The following MAN1C1 variants were observed in gnomAD, a reference collection of about 807,000 sequenced individuals.
The protein encoded by MAN1C1 is mannosyl-oligosaccharide 1,2-alpha-mannosidase IC.
MAN1C1 carries 49 observed loss-of-function variants against 71.5 expected under a neutral mutation model. That is an observed-to-expected ratio of 0.69 (90% confidence interval 0.54 to 0.87). The LOEUF (loss-of-function observed/expected upper bound fraction) is 0.87. Among genes scored for constraint, MAN1C1 ranks in the 40% least tolerant of loss-of-function variants. The pLI is 0.00. For synonymous variants in MAN1C1, 352 were observed against 343.7 expected (o/e 1.02, Z -0.27); for missense variants, 743 against 835.0 (o/e 0.89, Z 1.36).
intron 1 of MAN1C1, among the ~76,000 whole-genome samples, chr1:25,635,813 A>G: frequency 6.6e-6 from 1 of 152,028 alleles, no homozygotes; most frequent in East Asian, 1.9e-4. Flanking sequence ...TGTTATGGCA[A>G]TTGCTTTTTC....
Position 25,745,335 on chromosome 1 carries a change from CT to C in MAN1C1, c.638-1321del, listed in dbSNP as rs10555591. ...GGTTTCTTTGCCCAAATTTTCTTTC[CT>C]TTTTTTTTTTTAATGGAAATAAGTT... On this transcript the variant is annotated intron_variant, in intron 2 of 11. Transcript: ENST00000374332. 3.5e-3 allele frequency among the ~76,000 whole-genome samples: 526 copies of C among 149,208 alleles called. 3 individuals are homozygous for C. Among genetic ancestry groups the C allele is most frequent in the Admixed American group, 0.011 (163 of 14,976 alleles).
chr1:25,739,471 G>A (rs2047029748), intron 2 of MAN1C1, among the ~76,000 whole-genome samples: 1 of 152,192 alleles, frequency 6.6e-6, no homozygotes, highest in African/African-American at 2.4e-5. Flanking sequence ...TGCCTTGGGT[G>A]ATTTTTTTTC....
In MAN1C1 at chr1:25,630,439, A is replaced by G. The variant is rs878880962; in HGVS notation, c.540+12102A>G. On this transcript the variant is annotated intron_variant, in intron 1 of 11. Transcript: ENST00000374332. ...ATTATTTTTTCTAATTCTGTGAACA[A>G]TGATGTTGTTATTTTGTTTGGGATT... Among the ~76,000 whole-genome samples the G allele has an allele frequency of 4.6e-5, 7 of 152,144 alleles. No individual in the cohort carries two copies. In the South Asian group the frequency reaches 1.0e-3, roughly 22 times the overall value.
At chr1:25,720,990 AT>A (rs1299644393) in intron 2 of MAN1C1, among the ~76,000 whole-genome samples, 1 of 152,166 alleles carries the variant, frequency 6.6e-6, no homozygotes, top group African/African-American at 2.4e-5. Context: ...AGTATCAGGT[AT>A]TATTTCTGGA....
chr1:25,618,286 GAGTC>G lies in MAN1C1; in HGVS notation c.492_495del (p.Ser164ArgfsTer17), dbSNP rs1411211917. 1 of 1,604,230 alleles carries G rather than the reference GAGTC, an allele frequency of 6.2e-7. No individual in the cohort carries two copies. Among genetic ancestry groups the G allele is most frequent in the Non-Finnish European group, 8.5e-7 (1 of 1,177,086 alleles). On this transcript the variant is annotated frameshift_variant, in exon 1 of 12. Coordinates refer to ENST00000374332, the MANE Select transcript of MAN1C1 (RefSeq NM_020379.4). LOFTEE classifies it high-confidence loss of function. ...CGGTCCTGGGAACGAGGGCCGATGA[GAGTC>G]AGGAGCCCCAGAGCCAAGTGCGAGC...
rs778692134 is a variant in MAN1C1 at position 25,617,827 on chromosome 1, C to T, written c.30C>T (p.Val10=). 3.9e-5 allele frequency: 62 copies of T among 1,604,532 alleles called. No individual in the cohort carries two copies. The highest frequency in any genetic ancestry group is 4.9e-5 in the Non-Finnish European group (58 of 1,176,660). Residue 10 remains valine (V), a synonymous_variant, in exon 1 of 12, where the codon GTC becomes GTT. Coordinates refer to ENST00000374332, the MANE Select transcript of MAN1C1 (RefSeq NM_020379.4). This position sits in a 1 kb window ranked among gnomAD's most constrained non-coding sequence, Gnocchi z 5.1. ...TCATGAGGAAAGTGCCCGGCTTCGT[C>T]CCGGCCTCCCCGTGGGGGCTGCGGC... is the stretch of plus-strand genomic sequence containing the variant. MLMRKVPGF[V]PASPWGLRLP...
chr1:25,765,283 C>T (rs78027287), intron 7 of MAN1C1, among the ~76,000 whole-genome samples: 2 of 152,176 alleles, frequency 1.3e-5, no homozygotes, highest in Non-Finnish European at 2.9e-5. Context: ...AATGTGCATG[C>T]CTGTTGAGAA....
At chr1:25,743,863 C>T (rs926106049) in intron 2 of MAN1C1, among the ~76,000 whole-genome samples, 4 of 152,202 alleles carry the variant, frequency 2.6e-5, no homozygotes, top group Admixed American at 2.0e-4. Flanking sequence ...TCTCTTGATC[C>T]GTAACTGATC....
intron 1 of MAN1C1, among the ~76,000 whole-genome samples, chr1:25,685,686 C>G (rs893867790): frequency 1.3e-5 from 2 of 152,236 alleles, no homozygotes; most frequent in African/African-American, 4.8e-5. Flanking sequence ...TGTGCATACT[C>G]TGGGTGACAG....
chr1:25,664,439 C>T (rs183900170), intron 1 of MAN1C1, among the ~76,000 whole-genome samples: 7 of 152,300 alleles, frequency 4.6e-5, no homozygotes, highest in South Asian at 4.1e-4. Context: ...GGAGAGTGCT[C>T]ACTTTCCATG....
At chr1:25,699,317 A>AG (rs1237695140) in intron 2 of MAN1C1, among the ~76,000 whole-genome samples, 30 of 151,462 alleles carry the variant, frequency 2.0e-4, no homozygotes, top group African/African-American at 7.1e-4. Flanking sequence ...AAAAAAAAAA[A>AG]AAAAGAAGAA....
intron 2 of MAN1C1, among the ~76,000 whole-genome samples, chr1:25,732,162 G>T (rs2046918101): frequency 6.6e-6 from 1 of 152,134 alleles, no homozygotes; most frequent in Non-Finnish European, 1.5e-5. Flanking sequence ...CTCTCTGCAA[G>T]GTAGTGCCTG....
chr1:25,753,414 C>T lies in MAN1C1; in HGVS notation c.835-70C>T, dbSNP rs926735475. On this transcript the variant is annotated intron_variant, in intron 4 of 11. Coordinates refer to ENST00000374332, the MANE Select transcript of MAN1C1 (RefSeq NM_020379.4). The surrounding 1 kb of genome is among the most constrained non-coding windows in gnomAD (Gnocchi z 4.9). ...AGCCCTGGGGGGTTCATCCTGCCTG[C>T]AGCAGTTCTGGGGTTGACCTTCCCT... 8.3e-6 allele frequency: 10 copies of T among 1,199,392 alleles called. 1 individual carries two copies. The African/African-American group carries it at 1.1e-4, about 13-fold the overall frequency. 74.3% of individuals were successfully genotyped at this position (1,199,392 alleles called of 1,614,324 possible).
Position 25,749,236 on chromosome 1 carries a change from C to T in MAN1C1, c.754-19C>T. The T allele has an allele frequency of 6.2e-7, 1 of 1,606,356 alleles. No individual in the cohort carries two copies. Among genetic ancestry groups the T allele is most frequent in the Non-Finnish European group, 8.5e-7 (1 of 1,175,346 alleles). ...TTACAAGTGTCCCCACTGTCCCCCT[C>T]CTTCTTTCTGTCCTGCAGAGCGGAG... On this transcript the variant is annotated intron_variant, in intron 3 of 11. Coordinates refer to ENST00000374332, the MANE Select transcript of MAN1C1 (RefSeq NM_020379.4).
chr1:25,700,322 A>G (rs763175767), intron 2 of MAN1C1, among the ~76,000 whole-genome samples: 1 of 152,232 alleles, frequency 6.6e-6, no homozygotes, highest in Non-Finnish European at 1.5e-5. Flanking sequence ...CACGCAGGGC[A>G]TGGCTCCCAG....
At chr1:25,699,045 G>A (rs761058105) in intron 2 of MAN1C1, among the ~76,000 whole-genome samples, 8 of 151,804 alleles carry the variant, frequency 5.3e-5, no homozygotes, top group African/African-American at 9.7e-5. Context: ...AGTGCCTCAC[G>A]CCTATAATCC....
intron 2 of MAN1C1, among the ~76,000 whole-genome samples, chr1:25,692,178 A>G (rs948061481): frequency 2.0e-5 from 3 of 152,328 alleles, no homozygotes; most frequent in South Asian, 2.1e-4. Context: ...TTTGCGCCGC[A>G]CACTCTGAGA....
intron 2 of MAN1C1, among the ~76,000 whole-genome samples, chr1:25,731,160 A>G (rs1375880605): frequency 6.6e-6 from 1 of 152,200 alleles, no homozygotes; most frequent in Non-Finnish European, 1.5e-5. Context: ...GTACAAAAAA[A>G]TTAGCCAGGC....
chr1:25,660,217 C>G (rs1374022324), intron 1 of MAN1C1, among the ~76,000 whole-genome samples: 1 of 151,938 alleles, frequency 6.6e-6, no homozygotes, highest in East Asian at 2.0e-4. Context: ...GCCTGACCAA[C>G]ATGGAGAAAC....
Sources: gnomAD v4.1 joint callset for allele counts (sites outside exome capture counted in the v4.1 genomes callset) on GRCh38, gnomAD v4.1.1 for gene constraint, Gnocchi (gnomAD v3.1) non-coding constraint, MANE v1.5 for transcripts, NCBI Gene and HGNC (gene_info 2026-07-23, HGNC 2026-07-21) for gene names.